PTCD3: variants seen among roughly 807,000 people sequenced by gnomAD.
The protein encoded by PTCD3 is pentatricopeptide repeat domain 3.
PTCD3 carries 89 observed loss-of-function variants against 101.9 expected under a neutral mutation model. The ratio of observed to expected loss-of-function variants is 0.87; its 90% confidence interval spans 0.74 to 1.04. PTCD3 has a LOEUF of 1.04. Among genes scored for constraint, PTCD3 ranks in the 50% least tolerant of loss-of-function variants. PTCD3 has a pLI of 0.00. For synonymous variants in PTCD3, 296 were observed against 278.5 expected (o/e 1.06, Z -0.63); for missense variants, 870 against 828.2 (o/e 1.05, Z -0.62).
In PTCD3 at chr2:86,108,419, A is replaced by G. The variant is rs371934671; in HGVS notation, c.157+17A>G. Reference sequence around the variant, plus strand: ...ATGTAACAGGTATATTTTAAAATATATTGAATTCTATTTTTATATCAACAC... The same window carrying G: ...ATGTAACAGGTATATTTTAAAATATGTTGAATTCTATTTTTATATCAACAC... On this transcript the variant is annotated intron_variant, in intron 2 of 23. Coordinates refer to ENST00000254630, the MANE Select transcript of PTCD3 (RefSeq NM_017952.6). The G allele has an allele frequency of 3.1e-6, 5 of 1,597,680 alleles. No homozygotes were observed. Among genetic ancestry groups the G allele is most frequent in the East Asian group, 2.2e-5 (1 of 44,666 alleles).
In PTCD3 at chr2:86,138,540, C is replaced by T. The variant is rs1290571390; in HGVS notation, c.*981C>T. 6.6e-6 allele frequency: 1 copy of T among 152,168 alleles called. No homozygotes were observed. The highest frequency in any genetic ancestry group is 1.5e-5 in the Non-Finnish European group (1 of 68,040). 9.4% of individuals were successfully genotyped at this position (152,168 alleles called of 1,614,324 possible). On this transcript the variant is annotated 3_prime_UTR_variant, in exon 24 of 24. Coordinates refer to ENST00000254630, the MANE Select transcript of PTCD3 (RefSeq NM_017952.6). ...CCAGAGTTGACAATTATGGGATACT[C>T]TAGTCTACTTATACTTGTGTTCCCA...
chr2:86,118,804 G>A (rs1674225602), intron 6 of PTCD3, 117 bp from the exon 7 acceptor site: 6 of 1,149,786 alleles, frequency 5.2e-6, no homozygotes, highest in African/African-American at 3.1e-5. Flanking sequence ...CAGGAAACAT[G>A]AATTGGAGCA....
chr2:86,112,794 C>T (rs1195795640), intron 4 of PTCD3, among the ~76,000 whole-genome samples: 5 of 151,844 alleles, frequency 3.3e-5, no homozygotes, highest in African/African-American at 1.2e-4. Context: ...ATGTTAAAAC[C>T]TTAATTAAAG....
intron 4 of PTCD3, chr2:86,111,739 GTTTGTTTGT>G (rs1573847303): frequency 6.4e-6 from 1 of 156,586 alleles, no homozygotes; most frequent in Non-Finnish European, 1.4e-5. Flanking sequence ...TTTTTTGTTT[GTTTGTTTGT>G]TTTGTTTTGT....
chr2:86,136,012 C>T (rs1674578579), intron 21 of PTCD3: 2 of 519,022 alleles, frequency 3.9e-6, no homozygotes. Flanking sequence ...GCCTGCACTT[C>T]ATAACAGAAT....
chr2:86,111,016 C>G (rs1200082972), intron 3 of PTCD3, 97 bp from the exon 4 acceptor site: 1 of 1,099,904 alleles, frequency 9.1e-7, no homozygotes, highest in East Asian at 2.4e-5. Context: ...GAGATCTGCA[C>G]TATGTTATTG....
At chr2:86,118,446 C>T (rs1674217746) in intron 6 of PTCD3, among the ~76,000 whole-genome samples, 1 of 152,172 alleles carries the variant, frequency 6.6e-6, no homozygotes, top group South Asian at 2.1e-4. Context: ...CAGGGAAACA[C>T]ACACTTCTTG....
chr2:86,118,673 G>A (rs574353119), intron 6 of PTCD3, among the ~76,000 whole-genome samples: 21 of 152,282 alleles, frequency 1.4e-4, no homozygotes, highest in African/African-American at 4.8e-4. Context: ...AGTGAATGAG[G>A]TAAAATCAGC....
intron 20 of PTCD3, among the ~76,000 whole-genome samples, chr2:86,134,638 C>T (rs990529521): frequency 2.6e-5 from 4 of 152,210 alleles, no homozygotes; most frequent in Non-Finnish European, 4.4e-5. Context: ...AAAGGAAATG[C>T]ATAGCTGAAT....
Position 86,127,198 on chromosome 2 carries a change from C to T in PTCD3, c.989C>T (p.Pro330Leu), listed in dbSNP as rs372256673. The T allele has an allele frequency of 4.3e-6, 7 of 1,613,376 alleles. No individual in the cohort carries two copies. The Admixed American group carries it at 1.0e-4, about 23-fold the overall frequency. ...CACATGGTTGCACAGAAGGTGAAACCAAATCTTCAGACTTTTAATACCATT... is the reference window on the plus strand; with the variant it reads ...CACATGGTTGCACAGAAGGTGAAACTAAATCTTCAGACTTTTAATACCATT... ...LRHMVAQKVK[P>L]NLQTFNTILK... Residue 330 changes from proline to leucine, a missense_variant, in exon 13 of 24, where the codon CCA becomes CTA. Physicochemically the swap from Pro to Leu is moderately conservative, Grantham distance 98. Transcript: ENST00000254630.
At chr2:86,126,000 C>T (rs568066236) in intron 12 of PTCD3, 120 bp downstream of exon 12, 20 of 611,780 alleles carry the variant, frequency 3.3e-5, no homozygotes, top group African/African-American at 2.1e-4. Context: ...GAGGCCGAGG[C>T]GGGCAGATCA....
At chr2:86,129,599 C>T (rs1220317679) in intron 14 of PTCD3, among the ~76,000 whole-genome samples, 1 of 152,096 alleles carries the variant, frequency 6.6e-6, no homozygotes, top group African/African-American at 2.4e-5. Flanking sequence ...CTGCGTTTGC[C>T]CCACTGCACT....
At chr2:86,111,219 T>C (rs1316738822) in intron 4 of PTCD3, 61 bp downstream of exon 4, 1 of 1,364,368 alleles carries the variant, frequency 7.3e-7, no homozygotes, top group East Asian at 2.3e-5. Flanking sequence ...ACTTTTTAAC[T>C]CGGCTAATAA....
Position 86,134,893 on chromosome 2 carries a change from C to T in PTCD3, c.1684C>T (p.Gln562Ter), listed in dbSNP as rs1674555605. Residue 562 changes from glutamine (Q) to a stop codon, truncating the protein, a stop_gained, in exon 21 of 24, where the codon CAA becomes TAA. Coordinates refer to ENST00000254630, the MANE Select transcript of PTCD3 (RefSeq NM_017952.6). LOFTEE classifies it high-confidence loss of function. ...TGATATCAAATCTGCGTATGAAAGC[C>T]AACCCATCAGACAGACTGCTCAGGA... ...AADIKSAYES[Q>*]PIRQTAQDWP... 6.2e-7 allele frequency: 1 copy of T among 1,614,038 alleles called. No individual in the cohort carries two copies. The highest frequency in any genetic ancestry group is 1.1e-5 in the South Asian group (1 of 91,092).
chr2:86,136,140 C>G, intron 21 of PTCD3: 1 of 448,110 alleles, frequency 2.2e-6, no homozygotes, highest in South Asian at 1.6e-5. Context: ...CAGTGGTGAT[C>G]CTCTACAAGA....
rs375663239 is a variant in PTCD3 at position 86,134,281 on chromosome 2, C to G, written c.1544-11C>G. 28 of 1,586,420 alleles carry G rather than the reference C, an allele frequency of 1.8e-5. No homozygotes were observed. The African/African-American group carries it at 3.4e-4, about 19-fold the overall frequency. On this transcript the variant is annotated splice_polypyrimidine_tract_variant and intron_variant, in intron 19 of 23. Coordinates refer to ENST00000254630, the MANE Select transcript of PTCD3 (RefSeq NM_017952.6). ...AACAATGATCACTCCTTGTTCCTTT[C>G]TTGTTTCAAGATAGTAAAGAATATG...
chr2:86,136,506 TC>T lies in PTCD3; in HGVS notation c.1779-13del, dbSNP rs1166914328. Reference sequence around the variant, plus strand: ...TTTCTAATAGTATTCATAATCTTTTTCCTTTCTTGAGCAGGAAAATGTTGGG... The same window carrying T: ...TTTCTAATAGTATTCATAATCTTTTTCTTTCTTGAGCAGGAAAATGTTGGG... On this transcript the variant is annotated splice_polypyrimidine_tract_variant and intron_variant, in intron 21 of 23. Coordinates refer to ENST00000254630, the MANE Select transcript of PTCD3 (RefSeq NM_017952.6). The T allele has an allele frequency of 6.2e-7, 1 of 1,603,288 alleles. No homozygotes were observed. Among genetic ancestry groups the T allele is most frequent in the Non-Finnish European group, 8.5e-7 (1 of 1,170,258 alleles).
intron 5 of PTCD3, 71 bp from the exon 6 acceptor site, chr2:86,116,984 C>A: frequency 1.5e-6 from 1 of 686,380 alleles, no homozygotes; most frequent in Non-Finnish European, 2.6e-6. Context: ...GGGAGAAATT[C>A]TTGCTGAGAG....
chr2:86,136,642 C>T, intron 22 of PTCD3, 80 bp downstream of exon 22: 2 of 1,484,400 alleles, frequency 1.3e-6, no homozygotes, highest in Non-Finnish European at 1.9e-6. Context: ...GCCTTAGCCA[C>T]CACATTTGGG....
Sources: allele counts gnomAD v4.1 joint callset (sites outside exome capture counted in the v4.1 genomes callset), GRCh38; gene constraint gnomAD v4.1.1; transcripts MANE v1.5; gene names NCBI Gene and HGNC (gene_info 2026-07-23, HGNC 2026-07-21).